TNR: variants seen among roughly 807,000 people sequenced by gnomAD.
The protein encoded by TNR is tenascin R, also known as tenascin-R.
TNR carries 45 observed loss-of-function variants against 150.4 expected under a neutral mutation model. The observed-to-expected ratio is 0.30, with a 90% CI of 0.24 to 0.38. The LOEUF is 0.38. TNR is among the 10% of genes least tolerant of loss of function. TNR has a pLI of 1.00. For synonymous variants in TNR, 687 were observed against 678.4 expected (o/e 1.01, Z -0.20); for missense variants, 1,544 against 1,759.1 (o/e 0.88, Z 2.19).
At chr1:175,708,486 T>C (rs1459680167) in intron 1 of TNR, among the ~76,000 whole-genome samples, 1 of 152,226 alleles carries the variant, frequency 6.6e-6, no homozygotes, top group African/African-American at 2.4e-5. Context: ...GAGTATATCC[T>C]CGCACTTTAT....
intron 2 of TNR, among the ~76,000 whole-genome samples, chr1:175,447,634 A>G (rs1656115891): frequency 6.6e-6 from 1 of 152,190 alleles, no homozygotes. Flanking sequence ...GCCTTTTACA[A>G]TGCCTATTTT....
intron 1 of TNR, among the ~76,000 whole-genome samples, chr1:175,683,645 C>T (rs919163293): frequency 6.6e-6 from 1 of 152,162 alleles, no homozygotes; most frequent in Non-Finnish European, 1.5e-5. Context: ...CAGTACCTGT[C>T]AGGCTGTCTC....
chr1:175,640,836 A>T (rs1239259399), intron 1 of TNR, among the ~76,000 whole-genome samples: 2 of 148,558 alleles, frequency 1.3e-5, no homozygotes, highest in Non-Finnish European at 2.9e-5. Context: ...AATAACTATA[A>T]ATTACCAGAA....
intron 1 of TNR, among the ~76,000 whole-genome samples, chr1:175,674,748 T>C (rs1415428138): frequency 6.6e-6 from 1 of 152,138 alleles, no homozygotes; most frequent in Non-Finnish European, 1.5e-5. Context: ...CTCCCCAGGT[T>C]CCCTCTGCCT....
chr1:175,541,821 T>C (rs1187330129), intron 1 of TNR, among the ~76,000 whole-genome samples: 1 of 152,160 alleles, frequency 6.6e-6, no homozygotes, highest in Non-Finnish European at 1.5e-5. Flanking sequence ...CTCTCTAAGC[T>C]TCCATTTTTT....
Position 175,467,197 on chromosome 1 carries a change from G to GA in TNR, c.-63-60421dup, listed in dbSNP as rs1292825903. On this transcript the variant is annotated intron_variant, in intron 2 of 22. Coordinates refer to ENST00000367674, the MANE Select transcript of TNR (RefSeq NM_003285.3). ...TAGAGTCCTGCACTCAGAGCTGGGG[G>GA]AATGTGGTCTGCCTGAGAGTGAGGT... Among the ~76,000 whole-genome samples the GA allele has an allele frequency of 1.8e-4, 27 of 152,310 alleles. No homozygotes were observed. In the East Asian group the frequency reaches 5.2e-3, roughly 29 times the overall value.
intron 22 of TNR, 120 bp downstream of exon 22, chr1:175,324,235 CT>C: frequency 5.3e-6 from 6 of 1,132,244 alleles, no homozygotes; most frequent in Non-Finnish European, 7.4e-6. Flanking sequence ...TTTCTCAAGA[CT>C]CAAAATATTT....
At chr1:175,371,696 C>CT (rs1557891613) in intron 9 of TNR, among the ~76,000 whole-genome samples, 1 of 152,188 alleles carries the variant, frequency 6.6e-6, no homozygotes. Flanking sequence ...TGAAGCACTA[C>CT]TGATAGGGTA....
intron 1 of TNR, among the ~76,000 whole-genome samples, chr1:175,585,227 G>T (rs1287484109): frequency 6.6e-6 from 1 of 152,144 alleles, no homozygotes; most frequent in Non-Finnish European, 1.5e-5. Flanking sequence ...ATGGAGGAGG[G>T]TTAAATAATT....
intron 1 of TNR, among the ~76,000 whole-genome samples, chr1:175,547,605 GAAAGAAACAAAGAAACAA>G (rs1660749492): frequency 2.3e-4 from 5 of 21,658 alleles, no homozygotes; most frequent in African/African-American, 3.3e-4. Context: ...AAGAAAGAAA[GAAAGAAACAAAGAAACAA>G]AGAAAGAAAG....
intron 1 of TNR, among the ~76,000 whole-genome samples, chr1:175,681,536 A>G (rs1243566504): frequency 6.6e-6 from 1 of 152,208 alleles, no homozygotes; most frequent in African/African-American, 2.4e-5. Flanking sequence ...AAGCCCAGGA[A>G]GAGAAAGTTA....
At chr1:175,702,782 A>C (rs1216195125) in intron 1 of TNR, among the ~76,000 whole-genome samples, 1 of 152,248 alleles carries the variant, frequency 6.6e-6, no homozygotes, top group Non-Finnish European at 1.5e-5. Context: ...AATGTTCCAC[A>C]TTTGGGGAAT....
In TNR at chr1:175,344,976, C is replaced by T. The variant is rs377471977; in HGVS notation, c.3383-7297G>A. 9.5e-4 allele frequency among the ~76,000 whole-genome samples: 144 copies of T among 151,940 alleles called. 1 individual carries two copies. The highest frequency in any genetic ancestry group is 3.0e-3 in the African/African-American group (124 of 41,480). On this transcript the variant is annotated intron_variant, in intron 18 of 22. Coordinates refer to ENST00000367674, the MANE Select transcript of TNR (RefSeq NM_003285.3). Reference sequence around the variant, plus strand: ...ACAAAAAGTTAGCTGGGCGTAGTGGCGGGTGCCTGTAATCCCAGCTATCCG... The same window carrying T: ...ACAAAAAGTTAGCTGGGCGTAGTGGTGGGTGCCTGTAATCCCAGCTATCCG...
At chr1:175,468,060 A>C (rs1657109421) in intron 2 of TNR, among the ~76,000 whole-genome samples, 1 of 152,188 alleles carries the variant, frequency 6.6e-6, no homozygotes, top group African/African-American at 2.4e-5. Flanking sequence ...ACATGTGGAG[A>C]TGAAGGAGGA....
At chr1:175,539,986 A>C (rs944572746) in intron 1 of TNR, among the ~76,000 whole-genome samples, 3 of 152,122 alleles carry the variant, frequency 2.0e-5, no homozygotes, top group African/African-American at 7.2e-5. Context: ...CCAAGAATAG[A>C]GATAAAGAAG....
chr1:175,664,082 A>G (rs1386372253), intron 1 of TNR, among the ~76,000 whole-genome samples: 1 of 152,220 alleles, frequency 6.6e-6, no homozygotes, highest in Non-Finnish European at 1.5e-5. Context: ...CTTCTGTGTT[A>G]GGAGGGAGGC....
chr1:175,441,674 C>G (rs1041953285), intron 2 of TNR, among the ~76,000 whole-genome samples: 2 of 152,038 alleles, frequency 1.3e-5, no homozygotes, highest in South Asian at 4.2e-4. Context: ...GGTGGCCCCT[C>G]GAGCTACATT....
intron 18 of TNR, among the ~76,000 whole-genome samples, chr1:175,349,413 G>A (rs776980282): frequency 6.6e-6 from 1 of 152,160 alleles, no homozygotes; most frequent in Non-Finnish European, 1.5e-5. Context: ...ACAATTAGAA[G>A]CAAAAGACTA....
chr1:175,700,883 CA>C (rs1666673240), intron 1 of TNR, among the ~76,000 whole-genome samples: 1 of 152,208 alleles, frequency 6.6e-6, no homozygotes, highest in Admixed American at 6.5e-5. Flanking sequence ...TCAGCCTTCA[CA>C]AAACCTTACC....
Sources: allele counts gnomAD v4.1 joint callset (sites outside exome capture counted in the v4.1 genomes callset), GRCh38; gene constraint gnomAD v4.1.1; transcripts MANE v1.5; gene names NCBI Gene and HGNC (gene_info 2026-07-23, HGNC 2026-07-21).